Variants in EYA2 observed in about 807,000 individuals in gnomAD.
EYA2 encodes EYA transcriptional coactivator and phosphatase 2.
In EYA2, 31 loss-of-function variants were observed where a neutral mutation model predicts 69.2. The observed-to-expected ratio is 0.45, with a 90% CI of 0.34 to 0.60. The LOEUF is 0.60. Among genes scored for constraint, EYA2 ranks in the 20% least tolerant of loss-of-function variants. The pLI, the probability that EYA2 is intolerant of heterozygous loss-of-function variation, is 0.02. For synonymous variants in EYA2, 257 were observed against 279.4 expected, an observed-to-expected ratio of 0.92 and a Z score of 0.80; for missense variants, 622 against 701.2, an observed-to-expected ratio of 0.89 and a Z score of 1.28.
intron 1 of EYA2, among the ~76,000 whole-genome samples, chr20:46,987,409 G>A (rs891010071): frequency 1.3e-5 from 2 of 152,138 alleles, no homozygotes; most frequent in Non-Finnish European, 2.9e-5. Flanking sequence ...TTTGGCTTAC[G>A]GGCCATAGGT....
At chr20:46,965,064 G>T (rs1979692886) in intron 1 of EYA2, among the ~76,000 whole-genome samples, 1 of 152,172 alleles carries the variant, frequency 6.6e-6, no homozygotes, top group Non-Finnish European at 1.5e-5. Context: ...CGGTGGAACT[G>T]CCAGGGTTCG....
rs1172711977 is a variant in EYA2 at position 47,069,231 on chromosome 20, C to T, written c.416-2954C>T. Among the ~76,000 whole-genome samples the T allele has an allele frequency of 1.4e-4, 22 of 152,140 alleles. 1 individual carries two copies. The highest frequency in any genetic ancestry group is 1.2e-3 in the Admixed American group (18 of 15,284). On this transcript the variant is annotated intron_variant, in intron 5 of 15. Transcript: ENST00000327619. ...ACCATAGGCCGGGCTCAGTGGCTCA[C>T]GTCTGTAATCCCAACACTTTGGGAA...
chr20:47,187,796 G>A (rs544191649), intron 15 of EYA2, among the ~76,000 whole-genome samples: 79 of 152,358 alleles, frequency 5.2e-4, no homozygotes, highest in African/African-American at 1.9e-3. Flanking sequence ...CAACAGAGGC[G>A]AGAGGGTCAA....
At position 47,004,961 on chromosome 20, in the gene EYA2, C is replaced by G. The variant is rs865944058; in HGVS notation, c.175C>G (p.Pro59Ala). The G allele has an allele frequency of 6.2e-7, 1 of 1,614,140 alleles. No homozygotes were observed. The highest frequency in any genetic ancestry group is 2.2e-5 in the East Asian group (1 of 44,878). Residue 59 changes from proline to alanine, a missense_variant, in exon 4 of 16, where the codon CCC (proline) becomes GCC (alanine). Coordinates refer to ENST00000327619, the MANE Select transcript of EYA2 (RefSeq NM_005244.5). ...LFSRSCPRVL[P>A]RQPSTAMAAY... Reference sequence around the variant, plus strand: ...ACACAGATCTTGCCCACGTGTCCTCCCCCGCCAGCCTTCCACAGCCATGGC... The same window carrying G: ...ACACAGATCTTGCCCACGTGTCCTCGCCCGCCAGCCTTCCACAGCCATGGC...
chr20:46,896,000 T>C (rs1983792710), intron 1 of EYA2, among the ~76,000 whole-genome samples: 1 of 152,206 alleles, frequency 6.6e-6, no homozygotes, highest in Admixed American at 6.5e-5. Context: ...CCCTTTTCTT[T>C]TCTTTCCCCT....
intron 1 of EYA2, among the ~76,000 whole-genome samples, chr20:46,928,852 T>C (rs1364990276): frequency 2.0e-5 from 3 of 152,078 alleles, no homozygotes; most frequent in Non-Finnish European, 4.4e-5. Flanking sequence ...TTCTAGAAGG[T>C]TGTGTGGCCC....
chr20:46,990,101 A>C lies in EYA2; in HGVS notation c.91A>C (p.Thr31Pro). The C allele has an allele frequency of 6.2e-7, 1 of 1,606,040 alleles. No homozygotes were observed. Among genetic ancestry groups the C allele is most frequent in the Non-Finnish European group, 8.5e-7 (1 of 1,172,896 alleles). ...TAACCGTGCTGACGCTGCTGTGTGG[A>C]CTCTGAGTGACAGACAAGGTAGGCT... ...KFNRADAAVW[T>P]LSDRQGITKS... The change falls in exon 2 of 16, where the codon ACT becomes CCT. Residue 31 changes from threonine to proline, a missense_variant. This residue lies in a region of EYA2 where 365 missense variants were observed against 349.7 expected (regional missense o/e 1.04). Coordinates refer to ENST00000327619, the MANE Select transcript of EYA2 (RefSeq NM_005244.5).
intron 1 of EYA2, among the ~76,000 whole-genome samples, chr20:46,940,897 C>G (rs552644003): frequency 6.6e-6 from 1 of 152,328 alleles, no homozygotes; most frequent in South Asian, 2.1e-4. Context: ...GCCAGTGACC[C>G]CGGGGTGAAA....
intron 10 of EYA2, among the ~76,000 whole-genome samples, chr20:47,155,758 A>C (rs1302677934): frequency 2.0e-5 from 3 of 151,808 alleles, no homozygotes; most frequent in Non-Finnish European, 4.4e-5. Flanking sequence ...GCTAGTAAGA[A>C]GAATGTGGAG....
intron 5 of EYA2, among the ~76,000 whole-genome samples, chr20:47,042,439 G>A (rs1020389963): frequency 2.6e-5 from 4 of 152,156 alleles, no homozygotes; most frequent in Non-Finnish European, 4.4e-5. Flanking sequence ...GCCCTAGATT[G>A]GTAGAAAGAG....
At chr20:46,995,128 C>T (rs112334209) in intron 2 of EYA2, among the ~76,000 whole-genome samples, 2,403 of 151,908 alleles carry the variant, frequency 0.016, 61 homozygotes, top group African/African-American at 0.054. Flanking sequence ...CTTGAACTCC[C>T]GACCTCAGGT....
chr20:47,065,816 T>C (rs1428393352), intron 5 of EYA2, among the ~76,000 whole-genome samples: 1 of 152,196 alleles, frequency 6.6e-6, no homozygotes, highest in Non-Finnish European at 1.5e-5. Context: ...ACCTCAGTAG[T>C]GCTGTGCAGA....
chr20:47,124,471 A>C (rs1319721173), intron 9 of EYA2, among the ~76,000 whole-genome samples: 4 of 152,218 alleles, frequency 2.6e-5, no homozygotes, highest in African/African-American at 9.7e-5. Context: ...ACGACTACTA[A>C]TAATAAGCAG....
intron 9 of EYA2, among the ~76,000 whole-genome samples, chr20:47,099,630 G>A (rs181460993): frequency 1.1e-3 from 162 of 152,340 alleles, no homozygotes; most frequent in African/African-American, 3.7e-3. Flanking sequence ...GGGACGTGGA[G>A]CTGGGGCACA....
chr20:46,922,947 G>T (rs944493481), intron 1 of EYA2, among the ~76,000 whole-genome samples: 1 of 152,152 alleles, frequency 6.6e-6, no homozygotes, highest in Admixed American at 6.5e-5. Context: ...TTCTGGGAGG[G>T]TGCATGACCC....
rs897057528 is a variant in EYA2, at chr20:46,993,317, C to T, written c.109+3198C>T. Among the ~76,000 whole-genome samples the T allele has an allele frequency of 7.2e-5, 11 of 152,348 alleles. No homozygotes were observed. The East Asian group carries it at 1.5e-3, about 21-fold the overall frequency. The stretch of plus-strand genomic sequence containing the variant: ...GCCCCACTTGTCTATCCCTGGAAGC[C>T]TCCCAAACTCATCTCCGTCCCTATT... On this transcript the variant is annotated intron_variant, in intron 2 of 15. Transcript: ENST00000327619.
At chr20:47,078,320 C>CAT (rs2031589766) in intron 7 of EYA2, among the ~76,000 whole-genome samples, 1 of 143,890 alleles carries the variant, frequency 6.9e-6, no homozygotes, top group African/African-American at 2.8e-5. Flanking sequence ...TGTGCACGTG[C>CAT]GCGCGCGCGC....
At chr20:47,182,954 C>T (rs539905746) in intron 14 of EYA2, among the ~76,000 whole-genome samples, 1 of 152,238 alleles carries the variant, frequency 6.6e-6, no homozygotes, top group Non-Finnish European at 1.5e-5. Flanking sequence ...AAGTGTCCAG[C>T]GCAGTGGCAT....
intron 9 of EYA2, among the ~76,000 whole-genome samples, chr20:47,137,879 T>C (rs59152976): frequency 6.6e-6 from 1 of 151,724 alleles, no homozygotes; most frequent in African/African-American, 2.4e-5. Flanking sequence ...CTCAGTAAAC[T>C]ATCGCAAGAA....
Sources: gnomAD v4.1 joint callset for allele counts (sites outside exome capture counted in the v4.1 genomes callset) on GRCh38, gnomAD v4.1.1 for gene constraint, gnomAD v4.1.1 regional missense constraint, MANE v1.5 for transcripts, NCBI Gene and HGNC (gene_info 2026-07-23, HGNC 2026-07-21) for gene names.